Variants in MILR1 observed in about 807,000 individuals in gnomAD.
MILR1 encodes mast cell immunoglobulin like receptor 1, also known as allergin-1.
In MILR1, 31 loss-of-function variants were observed where a neutral mutation model predicts 18.5. The observed-to-expected ratio is 1.68, with a 90% CI of 1.26 to 2.26. The LOEUF is 2.26. Ranked by LOEUF, MILR1 falls within the 30% of genes most tolerant of loss-of-function variation. MILR1 has a pLI of 0.00. For synonymous variants in MILR1, 85 were observed against 56.2 expected (o/e 1.51, Z -2.30); for missense variants, 257 against 157.4 (o/e 1.63, Z -3.38).
At chr17:64,474,600 C>A in the MILR1 span, among the ~76,000 whole-genome samples, 1 of 151,916 alleles carries the variant, frequency 6.6e-6, no homozygotes, top group African/African-American at 2.4e-5. Flanking sequence ...GTCTCGAACT[C>A]CAGGACTCAA....
chr17:64,480,936 A>G, the MILR1 span, among the ~76,000 whole-genome samples: 1 of 152,386 alleles, frequency 6.6e-6, no homozygotes, highest in South Asian at 2.1e-4. Context: ...TTGACTGGAA[A>G]TACAGAAGTA....
chr17:64,475,270 A>C, the MILR1 span, among the ~76,000 whole-genome samples: 1 of 152,074 alleles, frequency 6.6e-6, no homozygotes, highest in Non-Finnish European at 1.5e-5. Flanking sequence ...AGGAATAATT[A>C]CTTTAAATAA....
chr17:64,475,047 C>A, the MILR1 span, among the ~76,000 whole-genome samples: 3 of 151,568 alleles, frequency 2.0e-5, no homozygotes, highest in Admixed American at 6.6e-5. Flanking sequence ...AAATTAACCA[C>A]GTGTGGTAGC....
chr17:64,457,677 C>A lies in MILR1; in HGVS notation c.645C>A (p.Pro215=). The A allele has an allele frequency of 2.1e-6, 1 of 474,466 alleles. No individual in the cohort carries two copies. The highest frequency in any genetic ancestry group is 3.9e-6 in the Non-Finnish European group (1 of 259,084). The allele number at this position is 474,466 out of a possible 1,614,324, so 29.4% of individuals were successfully genotyped here. ...YATYSHPVTM[P]STGGDSCPFC... is the part of the protein sequence containing the mutation. ...CATACAGTCACCCTGTCACCATGCC[C>A]TCAACAGGTAAGAGCAACCTGAGTT... Residue 215 remains proline (P), a synonymous_variant, in exon 4 of 10, where the codon CCC becomes CCA. Coordinates refer to ENST00000619286, the MANE Select transcript of MILR1 (RefSeq NM_001085423.2).
At chr17:64,458,101 C>CCTTT (rs2037340512) in intron 4 of MILR1, among the ~76,000 whole-genome samples, 1 of 151,606 alleles carries the variant, frequency 6.6e-6, no homozygotes, top group African/African-American at 2.4e-5. Context: ...TGTATGTCTG[C>CCTTT]CTTTCTTTCT....
Position 64,452,867 on chromosome 17 carries a change from G to C in MILR1, c.367+1G>C. ...CGTGACTTCAGCTTCACGATTGTCGGTAAGTAGAGTGCCTGTTCCTTGGAG... is the reference window on the plus strand; with the variant it reads ...CGTGACTTCAGCTTCACGATTGTCGCTAAGTAGAGTGCCTGTTCCTTGGAG... On this transcript the variant is annotated splice_donor_variant, in intron 3 of 9. Transcript: ENST00000619286. LOFTEE classifies it high-confidence loss of function. The C allele has an allele frequency of 2.1e-6, 1 of 474,922 alleles. No homozygotes were observed. 29.4% of individuals were successfully genotyped at this position (474,922 alleles called of 1,614,324 possible).
chr17:64,464,073 C>T (rs1206119511), intron 5 of MILR1, among the ~76,000 whole-genome samples: 14 of 151,104 alleles, frequency 9.3e-5, no homozygotes, highest in Middle Eastern at 3.4e-3. Flanking sequence ...CCGCCCACCG[C>T]GGCCTCCCAA....
intron 3 of MILR1, among the ~76,000 whole-genome samples, chr17:64,456,397 C>T (rs2037302020): frequency 6.6e-6 from 1 of 152,002 alleles, no homozygotes; most frequent in Non-Finnish European, 1.5e-5. Flanking sequence ...GTGTAGCAGA[C>T]CCATTTCCTG....
intron 4 of MILR1, among the ~76,000 whole-genome samples, chr17:64,460,528 T>C (rs1333210814): frequency 2.6e-5 from 4 of 152,102 alleles, no homozygotes; most frequent in Non-Finnish European, 5.9e-5. Flanking sequence ...ATTTATTTTG[T>C]AGAAACAGGG....
the MILR1 span, chr17:64,496,758 C>A: frequency 6.2e-7 from 1 of 1,614,030 alleles, no homozygotes; most frequent in Non-Finnish European, 8.5e-7. Context: ...TGACAGATCT[C>A]TAACAGCGCC....
chr17:64,473,981 T>G, the MILR1 span, among the ~76,000 whole-genome samples: 1 of 152,222 alleles, frequency 6.6e-6, no homozygotes, highest in East Asian at 1.9e-4. Context: ...TTAATAAAAC[T>G]GATTAAAACA....
At chr17:64,481,461 A>C in the MILR1 span, 1 of 970,716 alleles carries the variant, frequency 1.0e-6, no homozygotes, top group Non-Finnish European at 1.2e-6. Flanking sequence ...AACGAAATGA[A>C]AGCCATCCCC....
At chr17:64,491,926 GAA>G in the MILR1 span, 68 of 82,092 alleles carry the variant, frequency 8.3e-4, no homozygotes, top group African/African-American at 3.2e-3. Flanking sequence ...TGGTACTTGT[GAA>G]AAAAAAAAAA....
the MILR1 span, among the ~76,000 whole-genome samples, chr17:64,473,692 AATAAATTCT>A: frequency 3.9e-5 from 6 of 152,234 alleles, no homozygotes; most frequent in African/African-American, 1.4e-4. Context: ...TTTCTTTGTA[AATAAATTCT>A]ATAACATTTT....
chr17:64,492,038 TAC>T, the MILR1 span, among the ~76,000 whole-genome samples: 1 of 152,168 alleles, frequency 6.6e-6, no homozygotes, highest in Non-Finnish European at 1.5e-5. Flanking sequence ...AGGAAAGAAC[TAC>T]AGAGAAAAAA....
intron 4 of MILR1, among the ~76,000 whole-genome samples, chr17:64,459,682 C>G (rs1403648465): frequency 6.6e-6 from 1 of 152,166 alleles, no homozygotes; most frequent in Non-Finnish European, 1.5e-5. Flanking sequence ...GAGCCTTACT[C>G]ACCTCATCTA....
the MILR1 span, among the ~76,000 whole-genome samples, chr17:64,488,139 G>A: frequency 2.6e-3 from 390 of 152,224 alleles, 13 homozygotes; most frequent in East Asian, 0.055. Context: ...TAAGGCAGGA[G>A]GATTGCTTGA....
the MILR1 span, among the ~76,000 whole-genome samples, chr17:64,474,341 C>T: frequency 5.9e-5 from 9 of 152,066 alleles, no homozygotes; most frequent in Admixed American, 1.3e-4. Flanking sequence ...TCCCAAAGTG[C>T]TGGGATTACA....
chr17:64,496,370 C>T, the MILR1 span: 24 of 1,400,676 alleles, frequency 1.7e-5, no homozygotes, highest in East Asian at 6.9e-5. Context: ...CCTTTCCACC[C>T]GACACCTGTT....
Sources: allele counts gnomAD v4.1 joint callset (sites outside exome capture counted in the v4.1 genomes callset), GRCh38; gene constraint gnomAD v4.1.1; transcripts MANE v1.5; gene names NCBI Gene and HGNC (gene_info 2026-07-23, HGNC 2026-07-21).